Variants in CCDC7 observed in about 807,000 individuals in gnomAD.
CCDC7 encodes coiled-coil domain containing 7, also known as coiled-coil domain-containing protein 7.
In CCDC7, 183 loss-of-function variants were observed where a neutral mutation model predicts 196.9. The ratio of observed to expected loss-of-function variants is 0.93; its 90% CI spans 0.82 to 1.05. CCDC7 has a LOEUF of 1.05. Among genes scored for constraint, CCDC7 ranks in the 50% least tolerant of loss-of-function variants. The probability of loss-of-function intolerance (pLI) is 0.00; values close to 1 mark genes in which losing one functional copy is unlikely to be tolerated. For missense variants in CCDC7, 1,540 were observed against 1,482.2 expected (o/e 1.04, Z -0.64); for synonymous variants, 525 against 484.6 (o/e 1.08, Z -1.10).
chr10:32,650,392 G>A (rs1177278070), intron 20 of CCDC7, among the ~76,000 whole-genome samples: 1 of 152,198 alleles, frequency 6.6e-6, no homozygotes, highest in Non-Finnish European at 1.5e-5. Context: ...ATTTGCAACT[G>A]TGTTCTGCCA....
downstream of CCDC7, among the ~76,000 whole-genome samples, chr10:32,880,604 T>C (rs1455302261): frequency 6.6e-6 from 1 of 152,242 alleles, no homozygotes; most frequent in African/African-American, 2.4e-5. Flanking sequence ...ATTTTCATCA[T>C]GAAATCTTTG....
chr10:32,695,922 T>C (rs547975326), intron 24 of CCDC7, among the ~76,000 whole-genome samples: 2 of 152,256 alleles, frequency 1.3e-5, no homozygotes, highest in African/African-American at 4.8e-5. Flanking sequence ...AGTCAATTCT[T>C]TTCCAGGCAC....
At chr10:32,522,317 G>A (rs996724240) in intron 11 of CCDC7, among the ~76,000 whole-genome samples, 1 of 152,112 alleles carries the variant, frequency 6.6e-6, no homozygotes, top group South Asian at 2.1e-4. Flanking sequence ...TTTCCTTACT[G>A]GGAGACTTTT....
intron 18 of CCDC7, among the ~76,000 whole-genome samples, chr10:32,602,894 A>G (rs2061208081): frequency 6.6e-6 from 1 of 152,198 alleles, no homozygotes. Context: ...TACAATGTGT[A>G]ATGATAAAAT....
intron 9 of CCDC7, among the ~76,000 whole-genome samples, 197 bp from the exon 11 acceptor site, chr10:32,517,748 G>A (rs1447780137): frequency 1.3e-5 from 2 of 150,814 alleles, no homozygotes; most frequent in Non-Finnish European, 2.9e-5. Context: ...TTGTGTACAT[G>A]TACCCTAAAA....
At chr10:32,525,702 T>C (rs2048557422) in intron 11 of CCDC7, among the ~76,000 whole-genome samples, 1 of 152,228 alleles carries the variant, frequency 6.6e-6, no homozygotes, top group South Asian at 2.1e-4. Context: ...GTGAAGACTT[T>C]TAAAGTATTT....
intron 16 of CCDC7, 79 bp downstream of exon 17, chr10:32,571,972 T>G: frequency 7.6e-7 from 1 of 1,317,660 alleles, no homozygotes; most frequent in Non-Finnish European, 1.0e-6. Flanking sequence ...AAAATAACCA[T>G]TCTAAATTTA....
chr10:32,566,392 A>C (rs995060181), intron 14 of CCDC7, among the ~76,000 whole-genome samples: 5 of 152,182 alleles, frequency 3.3e-5, no homozygotes, highest in Non-Finnish European at 7.4e-5. Context: ...ATTTTGTACA[A>C]GTATGTACAA....
intron 31 of CCDC7, among the ~76,000 whole-genome samples, chr10:32,814,970 C>A (rs1565586777): frequency 6.6e-6 from 1 of 151,984 alleles, no homozygotes; most frequent in East Asian, 1.9e-4. Flanking sequence ...GAGATGCCCT[C>A]AAAAAGCAAC....
intron 18 of CCDC7, among the ~76,000 whole-genome samples, chr10:32,632,453 CTTTT>C: frequency 6.6e-6 from 1 of 151,382 alleles, no homozygotes; most frequent in East Asian, 1.9e-4. Context: ...CTTATTCTTT[CTTTT>C]ATTTATATAA....
intron 13 of CCDC7, among the ~76,000 whole-genome samples, chr10:32,556,412 T>C (rs988958917): frequency 6.6e-6 from 1 of 152,192 alleles, no homozygotes; most frequent in Non-Finnish European, 1.5e-5. Context: ...CCTTACTTCT[T>C]GCTCTTGTTT....
intron 30 of CCDC7, among the ~76,000 whole-genome samples, chr10:32,810,887 T>C (rs766376595): frequency 6.6e-6 from 1 of 151,874 alleles, no homozygotes; most frequent in South Asian, 2.1e-4. Context: ...TGCAAACACA[T>C]GGAAATTAAG....
intron 28 of CCDC7, among the ~76,000 whole-genome samples, chr10:32,759,648 A>G (rs1024963774): frequency 2.6e-5 from 4 of 152,250 alleles, no homozygotes; most frequent in African/African-American, 9.6e-5. Flanking sequence ...ACCCTAGAAG[A>G]AAACCTAGGC....
intron 20 of CCDC7, among the ~76,000 whole-genome samples, chr10:32,635,659 A>T (rs1426468451): frequency 6.6e-6 from 1 of 152,144 alleles, no homozygotes; most frequent in East Asian, 1.9e-4. Context: ...ACAAACAAAC[A>T]AACAAAACTA....
intron 39 of CCDC7, among the ~76,000 whole-genome samples, chr10:32,850,255 G>A (rs1246036094): frequency 6.6e-6 from 1 of 152,174 alleles, no homozygotes; most frequent in African/African-American, 2.4e-5. Flanking sequence ...AATGTGGTCT[G>A]CAGAATCCCC....
intron 20 of CCDC7, among the ~76,000 whole-genome samples, chr10:32,650,630 C>T (rs2068581823): frequency 6.6e-6 from 1 of 152,190 alleles, no homozygotes; most frequent in African/African-American, 2.4e-5. Context: ...GCTTGTGAGC[C>T]TGTACCACTC....
intron 21 of CCDC7, among the ~76,000 whole-genome samples, chr10:32,665,622 A>G (rs2072500057): frequency 1.3e-5 from 2 of 152,000 alleles, no homozygotes; most frequent in Admixed American, 1.3e-4. Flanking sequence ...TGCTGTAGCT[A>G]AATAATATGT....
At chr10:32,721,007 A>G (rs2082334222) in intron 25 of CCDC7, among the ~76,000 whole-genome samples, 1 of 152,100 alleles carries the variant, frequency 6.6e-6, no homozygotes, top group African/African-American at 2.4e-5. Context: ...AATGGAGGAT[A>G]GCTTGAGCCC....
intron 41 of CCDC7, among the ~76,000 whole-genome samples, chr10:32,864,911 C>T (rs954082549): frequency 4.6e-5 from 7 of 151,854 alleles, no homozygotes; most frequent in African/African-American, 1.7e-4. Flanking sequence ...ACTTCCACAG[C>T]TTTGTGTGTA....
Sources: allele counts gnomAD v4.1 joint callset (sites outside exome capture counted in the v4.1 genomes callset), GRCh38; gene constraint gnomAD v4.1.1; transcripts MANE v1.5; gene names NCBI Gene and HGNC (gene_info 2026-07-23, HGNC 2026-07-21).